The following SHISA9 variants were observed in gnomAD, a reference collection of about 807,000 sequenced individuals.
SHISA9 encodes the protein shisa family member 9.
In SHISA9, 13 loss-of-function variants were observed where a neutral mutation model predicts 38.0. That is an observed-to-expected ratio of 0.34 (90% confidence interval 0.22 to 0.54). The LOEUF (loss-of-function observed/expected upper bound fraction) is 0.54, where lower values mean the gene tolerates loss of function less well. Ranked by LOEUF, SHISA9 falls within the 20% of genes least tolerant of loss-of-function variation. The pLI, the probability that SHISA9 is intolerant of heterozygous loss-of-function variation, is 0.91. For synonymous variants in SHISA9, 275 were observed against 242.0 expected, an observed-to-expected ratio of 1.14 and a Z score of -1.27; for missense variants, 538 against 575.8, an observed-to-expected ratio of 0.93 and a Z score of 0.67.
the SHISA9 span, among the ~76,000 whole-genome samples, chr16:13,305,196 C>G: frequency 6.6e-6 from 1 of 152,198 alleles, no homozygotes; most frequent in Non-Finnish European, 1.5e-5. Flanking sequence ...CCCCTGGGGA[C>G]GCTGAGTTTG....
the SHISA9 span, among the ~76,000 whole-genome samples, chr16:13,395,747 T>C: frequency 6.6e-6 from 1 of 152,068 alleles, no homozygotes; most frequent in Non-Finnish European, 1.5e-5. Flanking sequence ...AGCGAGGGAG[T>C]CGATAAATAT....
At chr16:13,034,004 G>T (rs1164564877) in intron 2 of SHISA9, among the ~76,000 whole-genome samples, 2 of 152,156 alleles carry the variant, frequency 1.3e-5, no homozygotes, top group Non-Finnish European at 2.9e-5. Context: ...AGATTAGCCA[G>T]GTGTGGTGGC....
At chr16:13,168,486 A>T (rs1176779632) in intron 2 of SHISA9, among the ~76,000 whole-genome samples, 1 of 152,202 alleles carries the variant, frequency 6.6e-6, no homozygotes, top group Non-Finnish European at 1.5e-5. Context: ...CACATGGTCC[A>T]TGTCTACCAG....
At chr16:13,490,407 A>G in the SHISA9 span, among the ~76,000 whole-genome samples, 1 of 152,106 alleles carries the variant, frequency 6.6e-6, no homozygotes, top group African/African-American at 2.4e-5. Flanking sequence ...ACAAACAAAA[A>G]CAGAAAAATT....
At chr16:13,142,989 C>CTTTTA (rs3075119) in intron 2 of SHISA9, among the ~76,000 whole-genome samples, 45,844 of 141,098 alleles carry the variant, frequency 0.32, 8,900 homozygotes, top group East Asian at 0.41. Context: ...TAGCTGTTTC[C>CTTTTA]TTTTATTTTA....
At chr16:13,509,612 T>C in the SHISA9 span, among the ~76,000 whole-genome samples, 1 of 152,204 alleles carries the variant, frequency 6.6e-6, no homozygotes, top group Non-Finnish European at 1.5e-5. Context: ...AATTTGCCCA[T>C]GGATCTCAAG....
chr16:13,125,148 A>C (rs913844886), intron 2 of SHISA9, among the ~76,000 whole-genome samples: 5 of 152,228 alleles, frequency 3.3e-5, no homozygotes, highest in African/African-American at 7.2e-5. Flanking sequence ...CTTCTGCATA[A>C]CAAAGGAAAC....
the SHISA9 span, among the ~76,000 whole-genome samples, chr16:13,381,365 T>C: frequency 6.6e-6 from 1 of 152,196 alleles, no homozygotes; most frequent in African/African-American, 2.4e-5. Flanking sequence ...TCTAGTGTTC[T>C]GTGGAGACTC....
At chr16:13,007,149 C>G (rs779338748) in intron 2 of SHISA9, among the ~76,000 whole-genome samples, 33 of 152,304 alleles carry the variant, frequency 2.2e-4, no homozygotes, top group South Asian at 1.2e-3. Flanking sequence ...CTAGGAACTT[C>G]AACCTCCCAC....
rs185201981 is a variant in SHISA9 at position 13,207,645 on chromosome 16, A to G, written c.847+4096A>G. ...GAGTTCTCAGGGCTTTCTCTGAGAC[A>G]TAGGTGGTCTTGTGAATCTGGAGGG... On this transcript the variant is annotated intron_variant, in intron 3 of 4. Coordinates refer to ENST00000558583, the MANE Select transcript of SHISA9 (RefSeq NM_001145204.3). Among the ~76,000 whole-genome samples, 197 of 152,198 alleles carry G rather than the reference A, an allele frequency of 1.3e-3. 1 individual carries two copies. Among genetic ancestry groups the G allele is most frequent in the African/African-American group, 4.6e-3 (191 of 41,498 alleles).
chr16:13,494,365 C>T, the SHISA9 span, among the ~76,000 whole-genome samples: 2 of 152,120 alleles, frequency 1.3e-5, no homozygotes, highest in African/African-American at 4.8e-5. Flanking sequence ...CACTAAAGAA[C>T]CCCAGAAACC....
At chr16:13,442,654 C>T in the SHISA9 span, among the ~76,000 whole-genome samples, 1 of 152,082 alleles carries the variant, frequency 6.6e-6, no homozygotes, top group Non-Finnish European at 1.5e-5. Context: ...TTCAGATTTT[C>T]AAGATGTTAC....
chr16:13,235,714 C>T lies in SHISA9; in HGVS notation c.*305C>T, dbSNP rs1312580366. The T allele has an allele frequency of 2.9e-6, 1 of 340,096 alleles. No individual in the cohort carries two copies. Among genetic ancestry groups the T allele is most frequent in the East Asian group, 4.9e-5 (1 of 20,520 alleles). The allele number at this position is 340,096 out of a possible 1,614,324, so 21.1% of individuals were successfully genotyped here. A position where few individuals can be genotyped will look rare whatever the true frequency, so the allele number is the denominator to read the frequency against. On this transcript the variant is annotated 3_prime_UTR_variant, in exon 5 of 5. Coordinates refer to ENST00000558583, the MANE Select transcript of SHISA9 (RefSeq NM_001145204.3). ...CAACTCACATGCCCAAACCGTGGGG[C>T]TGAGTTTTCTTTTCCTCCTAACTTG...
chr16:13,489,123 T>C, the SHISA9 span, among the ~76,000 whole-genome samples: 1 of 152,108 alleles, frequency 6.6e-6, no homozygotes. Context: ...CTCAGCTCAC[T>C]ACAACCTCCA....
At chr16:13,512,301 G>C in the SHISA9 span, among the ~76,000 whole-genome samples, 1 of 152,044 alleles carries the variant, frequency 6.6e-6, no homozygotes, top group African/African-American at 2.4e-5. Context: ...CAGCTAACAA[G>C]GGACGTGAAG....
At chr16:13,459,435 T>C in the SHISA9 span, among the ~76,000 whole-genome samples, 2 of 152,130 alleles carry the variant, frequency 1.3e-5, no homozygotes, top group Admixed American at 6.5e-5. Context: ...GTGGTATCAG[T>C]AGAAGCAAGA....
At chr16:13,176,052 A>G (rs150075) in intron 2 of SHISA9, among the ~76,000 whole-genome samples, 52,390 of 152,042 alleles carry the variant, frequency 0.34, 9,508 homozygotes, top group Middle Eastern at 0.5. Context: ...CTAAAGTTAC[A>G]TTTAAATGTA....
At chr16:13,132,603 T>A (rs2050315624) in intron 2 of SHISA9, among the ~76,000 whole-genome samples, 3 of 152,114 alleles carry the variant, frequency 2.0e-5, no homozygotes, top group African/African-American at 7.2e-5. Flanking sequence ...GATGTCCCCT[T>A]AATCCTAGAG....
chr16:13,081,752 C>G (rs2073652391), intron 2 of SHISA9, among the ~76,000 whole-genome samples: 1 of 151,426 alleles, frequency 6.6e-6, no homozygotes, highest in South Asian at 2.1e-4. Flanking sequence ...ACTCAGGAGG[C>G]TGAGGCAGAG....
Sources: allele counts gnomAD v4.1 joint callset (sites outside exome capture counted in the v4.1 genomes callset), GRCh38; gene constraint gnomAD v4.1.1; transcripts MANE v1.5; gene names NCBI Gene and HGNC (gene_info 2026-07-23, HGNC 2026-07-21).